RNF17: variants seen among roughly 807,000 people sequenced by gnomAD.
RNF17 encodes the protein ring finger protein 17.
Under a neutral mutation model 200.5 loss-of-function variants are expected in RNF17, and 31 were observed. That is an observed-to-expected ratio of 0.15 (90% CI 0.12 to 0.21). The LOEUF (loss-of-function observed/expected upper bound fraction) is 0.21. RNF17 is among the 10% of genes least tolerant of loss of function. The pLI, the probability that RNF17 is intolerant of heterozygous loss-of-function variation, is 1.00. For synonymous variants in RNF17, 606 were observed against 637.8 expected (o/e 0.95, Z 0.75); for missense variants, 1,628 against 1,905.1 (o/e 0.85, Z 2.71).
chr13:24,821,468 A>G (rs1368729920), intron 15 of RNF17, among the ~76,000 whole-genome samples: 3 of 151,976 alleles, frequency 2.0e-5, no homozygotes, highest in Non-Finnish European at 4.4e-5. Context: ...TCTTCCTTCT[A>G]TGACTTTCAT....
At chr13:24,858,955 TAGG>T in intron 25 of RNF17, 43 bp from the exon 26 acceptor site, 1 of 1,200,674 alleles carries the variant, frequency 8.3e-7, no homozygotes, top group Admixed American at 2.2e-5. Context: ...TGACAAATGA[TAGG>T]GAATTTTCCT....
At chr13:24,804,128 G>A (rs774597251) in intron 14 of RNF17, among the ~76,000 whole-genome samples, 160 bp from the exon 15 acceptor site, 7 of 152,048 alleles carry the variant, frequency 4.6e-5, no homozygotes, top group Non-Finnish European at 1.0e-4. Flanking sequence ...CAGGTGTGAT[G>A]GCATGCCCCT....
chr13:24,881,918 CTATATA>C (rs1953848313), downstream of RNF17, among the ~76,000 whole-genome samples: 1 of 107,906 alleles, frequency 9.3e-6, no homozygotes. Context: ...ATAGATACAT[CTATATA>C]GATATATAGA....
At chr13:24,879,317 A>G (rs1375059664) in intron 35 of RNF17, 22 bp downstream of exon 35, 1 of 1,427,464 alleles carries the variant, frequency 7.0e-7, no homozygotes, top group African/African-American at 1.4e-5. Flanking sequence ...TTCTCTTCAT[A>G]GCATAAGGCA....
upstream of RNF17, among the ~76,000 whole-genome samples, chr13:24,763,423 T>G (rs1038697899): frequency 2.0e-5 from 3 of 149,992 alleles, no homozygotes; most frequent in African/African-American, 7.4e-5. Flanking sequence ...TTCACCATGT[T>G]AGCCAGGATG....
intron 19 of RNF17, among the ~76,000 whole-genome samples, chr13:24,843,299 A>G (rs1013669488): frequency 6.6e-6 from 1 of 152,180 alleles, no homozygotes; most frequent in Non-Finnish European, 1.5e-5. Context: ...CAGGCGGATC[A>G]TGAGGTCAGG....
chr13:24,836,373 T>A (rs1391729471), intron 18 of RNF17, among the ~76,000 whole-genome samples: 1 of 152,216 alleles, frequency 6.6e-6, no homozygotes, highest in Non-Finnish European at 1.5e-5. Flanking sequence ...ACCTGGGAAA[T>A]TCATCGCAAA....
chr13:24,762,463 A>G (rs1878857939), upstream of RNF17, among the ~76,000 whole-genome samples: 1 of 152,130 alleles, frequency 6.6e-6, no homozygotes. Flanking sequence ...AATACTCACA[A>G]AACTGTAGAA....
At chr13:24,821,633 T>C (rs1386091953) in intron 15 of RNF17, among the ~76,000 whole-genome samples, 1 of 152,194 alleles carries the variant, frequency 6.6e-6, no homozygotes, top group Non-Finnish European at 1.5e-5. Flanking sequence ...TTTGAACCCC[T>C]CTATTGAATT....
At chr13:24,852,662 G>A (rs1309502344) in intron 24 of RNF17, among the ~76,000 whole-genome samples, 1 of 152,146 alleles carries the variant, frequency 6.6e-6, no homozygotes, top group Non-Finnish European at 1.5e-5. Context: ...ATGTGGCCTG[G>A]ATTGCCCGGG....
At chr13:24,749,792 C>T in the RNF17 span, among the ~76,000 whole-genome samples, 1 of 152,154 alleles carries the variant, frequency 6.6e-6, no homozygotes, top group African/African-American at 2.4e-5. Flanking sequence ...CTCTTTCGCC[C>T]AGGCTGCAGT....
chr13:24,795,815 T>C (rs1324164503), intron 10 of RNF17, among the ~76,000 whole-genome samples: 4 of 152,210 alleles, frequency 2.6e-5, no homozygotes, highest in Non-Finnish European at 4.4e-5. Context: ...AACTGAACTT[T>C]TGTAATACAG....
At chr13:24,870,242 C>T (rs1224801509) in intron 31 of RNF17, among the ~76,000 whole-genome samples, 1 of 152,044 alleles carries the variant, frequency 6.6e-6, no homozygotes, top group African/African-American at 2.4e-5. Context: ...CCACCGCGCC[C>T]GGCCTAATTT....
chr13:24,886,079 C>T, the RNF17 span: 1 of 369,200 alleles, frequency 2.7e-6, no homozygotes, highest in South Asian at 2.1e-5. Flanking sequence ...GTAATATGTC[C>T]AGCACACCAA....
chr13:24,777,528 G>T (rs1231209065), intron 3 of RNF17, among the ~76,000 whole-genome samples: 1 of 152,032 alleles, frequency 6.6e-6, no homozygotes, highest in Non-Finnish European at 1.5e-5. Flanking sequence ...TAAAACTCTG[G>T]CTTCTATAGA....
At chr13:24,765,893 A>G (rs982048722) in intron 1 of RNF17, among the ~76,000 whole-genome samples, 4 of 152,240 alleles carry the variant, frequency 2.6e-5, no homozygotes, top group Non-Finnish European at 5.9e-5. Context: ...AGTTTCAGGT[A>G]TTTCAGTTGG....
chr13:24,886,158 A>G, the RNF17 span: 1 of 482,642 alleles, frequency 2.1e-6, no homozygotes, highest in East Asian at 7.0e-5. Context: ...AAGTGAGGTG[A>G]ATCTCTCTCT....
intron 25 of RNF17, among the ~76,000 whole-genome samples, chr13:24,858,207 T>C (rs190259369): frequency 6.6e-6 from 1 of 152,254 alleles, no homozygotes; most frequent in African/African-American, 2.4e-5. Flanking sequence ...ATTTTTTAAT[T>C]TGAAAGACAA....
intron 18 of RNF17, among the ~76,000 whole-genome samples, chr13:24,833,263 G>A (rs574515139): frequency 2.9e-4 from 44 of 152,182 alleles, no homozygotes; most frequent in Non-Finnish European, 6.0e-4. Context: ...GCCTAGAAAT[G>A]AATTGCTCAA....
Sources: allele counts gnomAD v4.1 joint callset (sites outside exome capture counted in the v4.1 genomes callset), GRCh38; gene constraint gnomAD v4.1.1; transcripts MANE v1.5; gene names NCBI Gene and HGNC (gene_info 2026-07-23, HGNC 2026-07-21).